Variants in NIM1K observed in about 807,000 individuals in gnomAD.
NIM1K encodes the protein NIM1 serine/threonine protein kinase.
NIM1K carries 35 observed loss-of-function variants against 37.1 expected under a neutral mutation model. The observed-to-expected ratio is 0.94, with a 90% CI of 0.72 to 1.25. The LOEUF is 1.25. Among genes scored for constraint, NIM1K ranks in the 50% most tolerant of loss-of-function variants. The pLI is 0.00. For missense variants in NIM1K, 564 were observed against 548.0 expected (o/e 1.03, Z -0.29); for synonymous variants, 234 against 206.6 (o/e 1.13, Z -1.14).
At chr5:43,220,524 G>A (rs904921728) in intron 1 of NIM1K, among the ~76,000 whole-genome samples, 3 of 152,042 alleles carry the variant, frequency 2.0e-5, no homozygotes, top group East Asian at 1.9e-4. Flanking sequence ...CAGGTGATCC[G>A]CCCGCCTTGG....
rs1263098388 is a variant in NIM1K, at chr5:43,232,094, G to T, written c.-694-12988G>T. On this transcript the variant is annotated intron_variant, in intron 1 of 3. Coordinates refer to ENST00000326035, the MANE Select transcript of NIM1K (RefSeq NM_153361.4). Reference sequence around the variant, plus strand: ...TCTCCACCAGTCACCACAGTGGGAGGGCTGGCAGTTAATGCCAACCTTGAA... The same window carrying T: ...TCTCCACCAGTCACCACAGTGGGAGTGCTGGCAGTTAATGCCAACCTTGAA... 1.5e-5 allele frequency: 16 copies of T among 1,036,470 alleles called. No individual in the cohort carries two copies. The Admixed American group carries it at 2.5e-4, about 16-fold the overall frequency. The allele number at this position is 1,036,470 out of a possible 1,614,324, so 64.2% of individuals were successfully genotyped here.
intron 1 of NIM1K, among the ~76,000 whole-genome samples, chr5:43,213,631 T>C (rs1752253379): frequency 6.6e-6 from 1 of 152,186 alleles, no homozygotes; most frequent in Non-Finnish European, 1.5e-5. Flanking sequence ...GTAGCTGGGA[T>C]TACAGGTGCC....
intron 1 of NIM1K, among the ~76,000 whole-genome samples, chr5:43,218,286 CAGGCGTG>C (rs996009677): frequency 6.6e-6 from 1 of 152,192 alleles, no homozygotes; most frequent in African/African-American, 2.4e-5. Flanking sequence ...GCTGGGATTA[CAGGCGTG>C]AGCCACCGTG....
intron 1 of NIM1K, among the ~76,000 whole-genome samples, chr5:43,194,431 A>G (rs1283040600): frequency 6.6e-6 from 1 of 152,210 alleles, no homozygotes; most frequent in Non-Finnish European, 1.5e-5. Context: ...TGTGTTAGGA[A>G]AAAATGTGGA....
rs116433441 is a variant in NIM1K at position 43,249,305 on chromosome 5, G to A, written c.292+3238G>A. Among the ~76,000 whole-genome samples the A allele has an allele frequency of 2.7e-3, 411 of 151,902 alleles. 1 individual carries two copies. The highest frequency in any genetic ancestry group is 6.3e-3 in the South Asian group (30 of 4,796). The stretch of plus-strand genomic sequence containing the variant: ...GGGATGGTCTCGATTTCCTGACCTC[G>A]TGATCCGCTACCTCGGCCTCCCAAA... On this transcript the variant is annotated intron_variant, in intron 2 of 3. Transcript: ENST00000326035.
chr5:43,258,399 G>A (rs1036918957), intron 2 of NIM1K, among the ~76,000 whole-genome samples: 11 of 151,516 alleles, frequency 7.3e-5, no homozygotes, highest in Middle Eastern at 3.4e-3. Context: ...GGGCTATTAT[G>A]AATAACATTG....
At chr5:43,271,243 C>T (rs1254552165) in intron 2 of NIM1K, among the ~76,000 whole-genome samples, 2 of 152,072 alleles carry the variant, frequency 1.3e-5, no homozygotes, top group East Asian at 3.9e-4. Flanking sequence ...ACTCTCCAGC[C>T]TCTTTTTTGG....
At chr5:43,252,037 C>T (rs1269539896) in intron 2 of NIM1K, among the ~76,000 whole-genome samples, 1 of 151,744 alleles carries the variant, frequency 6.6e-6, no homozygotes. Context: ...ACCATAGAGA[C>T]ATTAGCTAGC....
At chr5:43,243,705 C>T (rs532536103) in intron 1 of NIM1K, among the ~76,000 whole-genome samples, 5 of 152,002 alleles carry the variant, frequency 3.3e-5, no homozygotes, top group East Asian at 1.9e-4. Flanking sequence ...AGACAGGGTC[C>T]GGCATTGTCA....
Position 43,280,578 on chromosome 5 carries a change from A to G in NIM1K, c.1160A>G (p.Tyr387Cys). The change falls in exon 4 of 4, where the codon TAT (tyrosine) becomes TGT (cysteine). Residue 387 changes from tyrosine (Y) to cysteine (C), a missense_variant. Transcript: ENST00000326035. Reference protein sequence around the residue: ...RDARSSITGVYRIILHRVQRK... With the variant: ...RDARSSITGVCRIILHRVQRK... ...GCTCGCAGCTCAATCACAGGGGTCT[A>G]TAGAATTATTTTACATAGAGTCCAA... 6.2e-7 allele frequency: 1 copy of G among 1,614,194 alleles called. No individual in the cohort carries two copies. Among genetic ancestry groups the G allele is most frequent in the Non-Finnish European group, 8.5e-7 (1 of 1,180,034 alleles).
intron 2 of NIM1K, among the ~76,000 whole-genome samples, chr5:43,257,530 G>T (rs1390414072): frequency 6.6e-6 from 1 of 151,862 alleles, no homozygotes; most frequent in Non-Finnish European, 1.5e-5. Flanking sequence ...ACCATGCCTG[G>T]CTAAAGAGAC....
intron 1 of NIM1K, among the ~76,000 whole-genome samples, chr5:43,222,182 G>A (rs1484021706): frequency 1.3e-5 from 2 of 152,144 alleles, no homozygotes; most frequent in African/African-American, 4.8e-5. Context: ...CATTCCCCAG[G>A]GGATTGTCAG....
intron 2 of NIM1K, among the ~76,000 whole-genome samples, chr5:43,263,545 C>A (rs1183310690): frequency 1.3e-5 from 2 of 148,366 alleles, no homozygotes; most frequent in African/African-American, 5.0e-5. Context: ...TTTTGTTGAT[C>A]TTTTCAAAAA....
At chr5:43,195,156 A>G (rs1751894143) in intron 1 of NIM1K, among the ~76,000 whole-genome samples, 1 of 152,202 alleles carries the variant, frequency 6.6e-6, no homozygotes, top group African/African-American at 2.4e-5. Flanking sequence ...GTCATTCTAG[A>G]AAAAGGTCTC....
intron 2 of NIM1K, among the ~76,000 whole-genome samples, chr5:43,255,131 A>G (rs1012751105): frequency 2.6e-5 from 4 of 152,252 alleles, no homozygotes; most frequent in African/African-American, 9.6e-5. Flanking sequence ...AGAAGATTCC[A>G]TAGCCATGAG....
At chr5:43,265,372 T>C (rs1753128019) in intron 2 of NIM1K, among the ~76,000 whole-genome samples, 1 of 152,166 alleles carries the variant, frequency 6.6e-6, no homozygotes, top group Non-Finnish European at 1.5e-5. Context: ...TCATTTGATC[T>C]TCAATCACTG....
At position 43,198,291 on chromosome 5, in the gene NIM1K, C is replaced by T. The variant is rs1285771424; in HGVS notation, c.-695+5880C>T. Among the ~76,000 whole-genome samples the T allele has an allele frequency of 2.8e-5, 4 of 144,484 alleles. No homozygotes were observed. In the East Asian group the frequency reaches 6.1e-4, roughly 22 times the overall value. 94.8% of individuals were successfully genotyped at this position (144,484 alleles called of 152,430 possible). A position where few individuals can be genotyped will look rare whatever the true frequency, so the allele number is the denominator to read the frequency against. On this transcript the variant is annotated intron_variant, in intron 1 of 3. Coordinates refer to ENST00000326035, the MANE Select transcript of NIM1K (RefSeq NM_153361.4). ...TCTTTCTCTCTTTCTCTCCTTTCTT[C>T]CTTCCTTCCTTACTTCCTTCCTCCC...
intron 2 of NIM1K, among the ~76,000 whole-genome samples, chr5:43,248,651 C>T (rs1316165771): frequency 6.6e-6 from 1 of 151,992 alleles, no homozygotes; most frequent in African/African-American, 2.4e-5. Context: ...AAGGAATTGG[C>T]TCACACAATT....
intron 1 of NIM1K, among the ~76,000 whole-genome samples, chr5:43,235,855 T>C (rs1752613767): frequency 6.6e-6 from 1 of 152,094 alleles, no homozygotes; most frequent in African/African-American, 2.4e-5. Flanking sequence ...CTTTTTTTTT[T>C]TTTTGGATGA....
Sources: gnomAD v4.1 joint callset for allele counts (sites outside exome capture counted in the v4.1 genomes callset) on GRCh38, gnomAD v4.1.1 for gene constraint, MANE v1.5 for transcripts, NCBI Gene and HGNC (gene_info 2026-07-23, HGNC 2026-07-21) for gene names.